Variants in GRK4 observed in about 807,000 individuals in gnomAD.
GRK4 encodes the protein G protein-coupled receptor kinase 4.
In GRK4, 73 loss-of-function variants were observed where a neutral mutation model predicts 77.9. The observed-to-expected ratio is 0.94, with a 90% CI of 0.78 to 1.14. The LOEUF is 1.14. Ranked by LOEUF, GRK4 falls within the 50% of genes most tolerant of loss-of-function variation. The probability of loss-of-function intolerance (pLI) is 0.00; values close to 1 mark genes in which losing one functional copy is unlikely to be tolerated. For missense variants in GRK4, 729 were observed against 700.2 expected (o/e 1.04, Z -0.46); for synonymous variants, 257 against 254.4 (o/e 1.01, Z -0.10).
At chr4:2,986,280 C>CT (rs143296789) in intron 2 of GRK4, among the ~76,000 whole-genome samples, 71 of 130,642 alleles carry the variant, frequency 5.4e-4, no homozygotes, top group African/African-American at 1.4e-3. Context: ...AGAACATTTC[C>CT]TTTTTTTTTT....
intron 4 of GRK4, among the ~76,000 whole-genome samples, chr4:2,992,571 T>C (rs1392455553): frequency 2.6e-5 from 4 of 152,062 alleles, no homozygotes; most frequent in Non-Finnish European, 5.9e-5. Flanking sequence ...TAGTCCCAGC[T>C]ACTTGGGAGG....
intron 2 of GRK4, among the ~76,000 whole-genome samples, chr4:2,988,085 A>AAAAAAAAAAAAAAAAAAAAAAAC: frequency 6.8e-6 from 1 of 147,874 alleles, no homozygotes; most frequent in Non-Finnish European, 1.5e-5. Flanking sequence ...CAAAAAAAAA[A>AAAAAAAAAAAAAAAAAAAAAAAC]AAAAAAAAAA....
chr4:3,005,574 G>A (rs1433423361), intron 5 of GRK4, among the ~76,000 whole-genome samples: 6 of 152,032 alleles, frequency 3.9e-5, no homozygotes, highest in South Asian at 2.1e-4. Flanking sequence ...AGGCCGAGGC[G>A]GGCAGATCGC....
intron 4 of GRK4, among the ~76,000 whole-genome samples, chr4:3,001,350 CACACAT>C (rs1473786906): frequency 2.5e-5 from 3 of 118,088 alleles, no homozygotes; most frequent in South Asian, 2.3e-4. Context: ...CACACACACA[CACACAT>C]ATATATATAT....
Position 2,964,092 on chromosome 4 carries a change from G to C in GRK4, c.22G>C (p.Ala8Pro). 6.2e-7 allele frequency: 1 copy of C among 1,608,548 alleles called. No homozygotes were observed. MELENIVANSLLLKARQG... is the reference protein window; with the variant it reads MELENIVPNSLLLKARQG... ...GGACATGGAGCTCGAGAACATCGTGGCCAACTCGCTGCTGCTGAAAGCGCG... is the reference window on the plus strand; with the variant it reads ...GGACATGGAGCTCGAGAACATCGTGCCCAACTCGCTGCTGCTGAAAGCGCG... Residue 8 changes from alanine (A) to proline (P), a missense_variant, in exon 1 of 16, where the codon GCC (alanine) becomes CCC (proline). By Grantham distance (27) the Ala-to-Pro change is conservative. Transcript: ENST00000398052.
intron 1 of GRK4, among the ~76,000 whole-genome samples, chr4:2,982,428 A>G (rs1265575818): frequency 2.0e-5 from 3 of 152,276 alleles, no homozygotes; most frequent in African/African-American, 7.2e-5. Flanking sequence ...GGGAGAAGCC[A>G]GGGAACAAGA....
rs116750263 is a variant in GRK4, at chr4:2,992,871, C to G, written c.339+579C>G. 8.8e-3 allele frequency among the ~76,000 whole-genome samples: 1,335 copies of G among 151,996 alleles called. 20 individuals carry two copies. The highest frequency in any genetic ancestry group is 0.031 in the African/African-American group (1,266 of 41,448). On this transcript the variant is annotated intron_variant, in intron 4 of 15. Coordinates refer to ENST00000398052, the MANE Select transcript of GRK4 (RefSeq NM_182982.3). ...TGGTGGCGTGCACCTGTGTTCTCAG[C>G]TACTTGGGAGGCTCAGGTGGGAGGA...
chr4:3,002,972 T>C (rs1730285789), intron 4 of GRK4, among the ~76,000 whole-genome samples: 1 of 152,216 alleles, frequency 6.6e-6, no homozygotes, highest in African/African-American at 2.4e-5. Flanking sequence ...TTTGTAAGTG[T>C]GCACTTCAGT....
chr4:3,001,237 GTATATATATACATA>G (rs1560423632), intron 4 of GRK4, among the ~76,000 whole-genome samples: 4 of 133,858 alleles, frequency 3.0e-5, no homozygotes, highest in African/African-American at 1.2e-4. Context: ...ATGTGTATGT[GTATATATATACATA>G]TATGTATATA....
intron 13 of GRK4, among the ~76,000 whole-genome samples, chr4:3,036,425 A>C (rs933783613): frequency 6.6e-6 from 1 of 152,260 alleles, no homozygotes; most frequent in East Asian, 1.9e-4. Context: ...AGCTGTGCTG[A>C]CCGTGGCCTT....
chr4:2,995,506 TA>T (rs35993504), intron 4 of GRK4, among the ~76,000 whole-genome samples: 1,290 of 93,946 alleles, frequency 0.014, 25 homozygotes, highest in African/African-American at 0.04. Context: ...TCATCTCTAC[TA>T]AAAAAAAAAA....
rs767668126 is a variant in GRK4 at position 3,037,482 on chromosome 4, G to C, written c.1516G>C (p.Gly506Arg). The C allele has an allele frequency of 1.2e-6, 2 of 1,608,634 alleles. No homozygotes were observed. Among genetic ancestry groups the C allele is most frequent in the Non-Finnish European group, 1.7e-6 (2 of 1,175,440 alleles). ...DEDFYARFAT[G>R]CVSIPWQNEM... is the part of the protein sequence containing the mutation. The stretch of plus-strand genomic sequence containing the variant: ...AGACTTCTATGCTCGGTTTGCTACC[G>C]GGTGTGTCTCCATCCCCTGGCAGAA... The change falls in exon 14 of 16, where the codon GGG becomes CGG. Residue 506 changes from glycine (G) to arginine (R), a missense_variant. Coordinates refer to ENST00000398052, the MANE Select transcript of GRK4 (RefSeq NM_182982.3).
chr4:2,991,670 C>G (rs1726221620), intron 3 of GRK4, among the ~76,000 whole-genome samples: 1 of 152,144 alleles, frequency 6.6e-6, no homozygotes, highest in African/African-American at 2.4e-5. Flanking sequence ...CGCCACCACA[C>G]CCAGCTAATT....
intron 4 of GRK4, 141 bp downstream of exon 4, chr4:2,992,433 A>G: frequency 7.2e-6 from 4 of 553,566 alleles, no homozygotes; most frequent in South Asian, 5.8e-5. Flanking sequence ...TAATCCCAGC[A>G]CTTCGGGAGG....
intron 4 of GRK4, among the ~76,000 whole-genome samples, chr4:3,003,576 G>A (rs1347500706): frequency 2.0e-5 from 3 of 152,084 alleles, no homozygotes; most frequent in Non-Finnish European, 4.4e-5. Context: ...TTAAAAGGCT[G>A]AATAATATTC....
At chr4:3,000,961 G>A (rs1167419848) in intron 4 of GRK4, among the ~76,000 whole-genome samples, 1 of 151,650 alleles carries the variant, frequency 6.6e-6, no homozygotes, top group East Asian at 1.9e-4. Context: ...GAGTCCAGCA[G>A]GGTGTGTGTG....
At position 3,040,737 on chromosome 4, in the gene GRK4, A is replaced by T; in HGVS notation, c.*112A>T. ...ACATCTAAATAAAACATGCCTTGGG[A>T]GTGTACAGACCTTTCTGCACTAATA... is the stretch of plus-strand genomic sequence containing the variant. On this transcript the variant is annotated 3_prime_UTR_variant, in exon 16 of 16. Transcript: ENST00000398052. 3 of 891,526 alleles carry T rather than the reference A, an allele frequency of 3.4e-6. No homozygotes were observed. Among genetic ancestry groups the T allele is most frequent in the Non-Finnish European group, 5.4e-6 (3 of 560,472 alleles). The allele number at this position is 891,526 out of a possible 1,614,324, so 55.2% of individuals were successfully genotyped here. A position where few individuals can be genotyped will look rare whatever the true frequency, so the allele number is the denominator to read the frequency against.
rs544785029 is a variant in GRK4, at chr4:2,965,193, G to A, written c.52+1071G>A. 289 of 683,978 alleles carry A rather than the reference G, an allele frequency of 4.2e-4. 1 individual carries two copies. Among genetic ancestry groups the A allele is most frequent in the Non-Finnish European group, 6.5e-4 (242 of 371,694 alleles). The allele number at this position is 683,978 out of a possible 1,614,324, so 42.4% of individuals were successfully genotyped here. A position where few individuals can be genotyped will look rare whatever the true frequency, so the allele number is the denominator to read the frequency against. On this transcript the variant is annotated intron_variant, in intron 1 of 15. Coordinates refer to ENST00000398052, the MANE Select transcript of GRK4 (RefSeq NM_182982.3). Reference sequence around the variant, plus strand: ...GGATGTGAATCCACTGAGCTGGTGCGTACCTTAACATAAATATCCTCCTGT... The same window carrying A: ...GGATGTGAATCCACTGAGCTGGTGCATACCTTAACATAAATATCCTCCTGT...
rs1439620459 is a variant in GRK4, at chr4:3,040,494, G to A, written c.1684-78G>A. 10 of 1,194,938 alleles carry A rather than the reference G, an allele frequency of 8.4e-6. 1 individual carries two copies. In the South Asian group the frequency reaches 1.2e-4, roughly 14 times the overall value. 74.0% of individuals were successfully genotyped at this position (1,194,938 alleles called of 1,614,324 possible). On this transcript the variant is annotated intron_variant, in intron 15 of 15. Coordinates refer to ENST00000398052, the MANE Select transcript of GRK4 (RefSeq NM_182982.3). ...AAAAGCACCCCCCACCCAAAAGTTT[G>A]TAAATGGTTGTCTGCACTTAAGGAA...
Sources: allele counts gnomAD v4.1 joint callset (sites outside exome capture counted in the v4.1 genomes callset), GRCh38; gene constraint gnomAD v4.1.1; transcripts MANE v1.5; gene names NCBI Gene and HGNC (gene_info 2026-07-23, HGNC 2026-07-21).